Variants in CSMD3 observed in about 807,000 individuals in gnomAD.
CSMD3 encodes the protein CUB and sushi domain-containing protein 3.
In CSMD3, 177 loss-of-function variants were observed where a neutral mutation model predicts 435.2. The observed-to-expected ratio is 0.41, with a 90% CI of 0.36 to 0.46. The LOEUF (loss-of-function observed/expected upper bound fraction) is 0.46. CSMD3 is among the 20% of genes least tolerant of loss of function. The pLI, the probability that CSMD3 is intolerant of heterozygous loss-of-function variation, is 0.34. For missense variants in CSMD3, 4,265 were observed against 4,504.6 expected (o/e 0.95, Z 1.52); for synonymous variants, 1,656 against 1,520.5 (o/e 1.09, Z -2.07).
chr8:112,745,186 C>G (rs141390567), intron 13 of CSMD3, among the ~76,000 whole-genome samples: 80 of 152,094 alleles, frequency 5.3e-4, no homozygotes, highest in South Asian at 4.4e-3. Flanking sequence ...GTACTTAACA[C>G]TGTTGAGTGT....
At chr8:113,015,629 A>G (rs1478047321) in intron 6 of CSMD3, among the ~76,000 whole-genome samples, 1 of 151,822 alleles carries the variant, frequency 6.6e-6, no homozygotes, top group East Asian at 1.9e-4. Context: ...ATTGAAAGAG[A>G]AATGCTGAAT....
intron 2 of CSMD3, among the ~76,000 whole-genome samples, chr8:113,307,003 A>G (rs1347992008): frequency 2.6e-5 from 4 of 152,114 alleles, no homozygotes; most frequent in Admixed American, 6.5e-5. Context: ...CTGGGTAAAG[A>G]ATTGATATTT....
chr8:112,947,315 T>C (rs753943339), intron 9 of CSMD3, among the ~76,000 whole-genome samples: 36 of 151,848 alleles, frequency 2.4e-4, no homozygotes, highest in Non-Finnish European at 4.9e-4. Context: ...ATAAAACTTC[T>C]ACTGAAGTTA....
intron 5 of CSMD3, among the ~76,000 whole-genome samples, chr8:113,075,165 A>G (rs1413498456): frequency 6.6e-6 from 1 of 151,784 alleles, no homozygotes; most frequent in Admixed American, 6.6e-5. Context: ...GGTAATACTG[A>G]AGATATTGCT....
chr8:112,637,084 T>C (rs2074682548), intron 21 of CSMD3, 79 bp from the exon 22 acceptor site: 1 of 1,146,694 alleles, frequency 8.7e-7, no homozygotes, highest in Non-Finnish European at 1.3e-6. Flanking sequence ...TAAAGGTATA[T>C]TCCTATTGTT....
At chr8:112,925,627 G>T (rs932540994) in intron 9 of CSMD3, among the ~76,000 whole-genome samples, 1 of 152,140 alleles carries the variant, frequency 6.6e-6, no homozygotes, top group African/African-American at 2.4e-5. Flanking sequence ...TTGCTACAAT[G>T]ATTTAGGGGC....
rs111269691 is a variant in CSMD3 at position 113,074,395 on chromosome 8, G to A, written c.917+24361C>T. Among the ~76,000 whole-genome samples, 1,255 of 151,964 alleles carry A rather than the reference G, an allele frequency of 8.3e-3. 30 individuals carry two copies. The highest frequency in any genetic ancestry group is 0.029 in the African/African-American group (1,187 of 41,514). ...ATGGATCCTTGGAGAATGTAATTAA[G>A]TTATTTCAATTTGGAAACTGAATAT... is the stretch of plus-strand genomic sequence containing the variant. On this transcript the variant is annotated intron_variant, in intron 5 of 70. Coordinates refer to ENST00000297405, the MANE Select transcript of CSMD3 (RefSeq NM_198123.2).
intron 2 of CSMD3, among the ~76,000 whole-genome samples, chr8:113,289,396 TAA>T (rs2093668818): frequency 6.6e-6 from 1 of 150,884 alleles, no homozygotes; most frequent in Non-Finnish European, 1.5e-5. Context: ...TTTTTTCTGC[TAA>T]GTTTATCATT....
intron 5 of CSMD3, among the ~76,000 whole-genome samples, chr8:113,046,332 C>CAACAA (rs557492849): frequency 6.7e-6 from 1 of 149,416 alleles, no homozygotes; most frequent in Non-Finnish European, 1.5e-5. Flanking sequence ...CAAACAACAA[C>CAACAA]AACAAAACAA....
intron 13 of CSMD3, among the ~76,000 whole-genome samples, chr8:112,759,759 C>G (rs1395505289): frequency 6.6e-6 from 1 of 151,962 alleles, no homozygotes; most frequent in African/African-American, 2.4e-5. Flanking sequence ...TTTTAGTGAT[C>G]TTTTTGCTAT....
chr8:112,869,986 A>G (rs186476850), intron 10 of CSMD3, among the ~76,000 whole-genome samples: 10 of 152,320 alleles, frequency 6.6e-5, no homozygotes, highest in Admixed American at 3.9e-4. Context: ...ACCATGGCAC[A>G]TGTATAACTA....
intron 4 of CSMD3, among the ~76,000 whole-genome samples, chr8:113,104,367 C>T (rs1169226672): frequency 2.0e-5 from 3 of 151,984 alleles, no homozygotes; most frequent in African/African-American, 7.2e-5. Flanking sequence ...TTATTTCGTC[C>T]CAAGACAGGC....
intron 6 of CSMD3, among the ~76,000 whole-genome samples, chr8:112,984,598 C>G (rs1427429716): frequency 6.6e-6 from 1 of 151,976 alleles, no homozygotes; most frequent in Non-Finnish European, 1.5e-5. Context: ...CAAATCTTCC[C>G]TGGAGGAGAG....
chr8:112,973,562 T>A (rs1313085365), intron 7 of CSMD3, among the ~76,000 whole-genome samples: 2 of 151,944 alleles, frequency 1.3e-5, no homozygotes, highest in Non-Finnish European at 2.9e-5. Context: ...GCCAAAATTA[T>A]TATTTTAAAA....
intron 58 of CSMD3, among the ~76,000 whole-genome samples, chr8:112,286,305 A>G (rs930748269): frequency 6.6e-6 from 1 of 152,114 alleles, no homozygotes; most frequent in Non-Finnish European, 1.5e-5. Context: ...TCACTTAGCC[A>G]TGGTCAATCA....
At chr8:112,876,231 G>A (rs1301702026) in intron 10 of CSMD3, among the ~76,000 whole-genome samples, 1 of 152,036 alleles carries the variant, frequency 6.6e-6, no homozygotes, top group African/African-American at 2.4e-5. Context: ...CAGATTCATA[G>A]CCAAACTCTA....
intron 12 of CSMD3, among the ~76,000 whole-genome samples, chr8:112,804,330 TA>T (rs201994852): frequency 9.1e-4 from 83 of 91,010 alleles, no homozygotes; most frequent in East Asian, 6.2e-3. Context: ...GAAAATAAAT[TA>T]AAAAAAAAAC....
At chr8:112,358,709 C>T (rs1275377971) in intron 38 of CSMD3, among the ~76,000 whole-genome samples, 1 of 152,130 alleles carries the variant, frequency 6.6e-6, no homozygotes, top group Non-Finnish European at 1.5e-5. Flanking sequence ...TTCACCAGCC[C>T]TGTGGAACTG....
chr8:112,944,222 TA>T (rs2083535643), intron 9 of CSMD3, among the ~76,000 whole-genome samples: 1 of 151,696 alleles, frequency 6.6e-6, no homozygotes, highest in Non-Finnish European at 1.5e-5. Context: ...GTTACTAACG[TA>T]AAAGTATTAA....
Sources: allele counts gnomAD v4.1 joint callset (sites outside exome capture counted in the v4.1 genomes callset), GRCh38; gene constraint gnomAD v4.1.1; transcripts MANE v1.5; gene names NCBI Gene and HGNC (gene_info 2026-07-23, HGNC 2026-07-21).